The following SYT14 variants were observed in gnomAD, a reference collection of about 807,000 sequenced individuals.
SYT14 encodes the protein synaptotagmin 14.
SYT14 carries 32 observed loss-of-function variants against 74.2 expected under a neutral mutation model. The ratio of observed to expected loss-of-function variants is 0.43; its 90% CI spans 0.33 to 0.58. The LOEUF (loss-of-function observed/expected upper bound fraction) is 0.58, where lower values mean the gene tolerates loss of function less well. Ranked by LOEUF, SYT14 falls within the 20% of genes least tolerant of loss-of-function variation. The pLI is 0.05. For missense variants in SYT14, 791 were observed against 981.8 expected (o/e 0.81, Z 2.60); for synonymous variants, 298 against 337.7 (o/e 0.88, Z 1.29).
At chr1:210,155,733 C>A (rs1229974307) in exon 8 of SYT14, 1 of 1,614,018 alleles carries the variant, frequency 6.2e-7, no homozygotes. Flanking sequence ...CTGTGACTCC[C>A]AAATGAGCGT....
chr1:209,951,881 A>G (rs1352612645), intron 1 of SYT14, among the ~76,000 whole-genome samples: 1 of 152,234 alleles, frequency 6.6e-6, no homozygotes, highest in African/African-American at 2.4e-5. Context: ...GTAGGACTCA[A>G]AAATGCCCAC....
At chr1:209,951,844 G>T (rs1245175319) in intron 1 of SYT14, among the ~76,000 whole-genome samples, 1 of 152,172 alleles carries the variant, frequency 6.6e-6, no homozygotes, top group Non-Finnish European at 1.5e-5. Flanking sequence ...AAAATAGTTT[G>T]ATCTTACCAA....
At chr1:210,034,768 G>T (rs561059192) in intron 5 of SYT14, among the ~76,000 whole-genome samples, 11 of 151,692 alleles carry the variant, frequency 7.3e-5, no homozygotes, top group Admixed American at 5.3e-4. Flanking sequence ...TAAGATAATG[G>T]CCTCCAGTTC....
intron 7 of SYT14, among the ~76,000 whole-genome samples, chr1:210,111,072 A>C (rs957784647): frequency 6.6e-6 from 1 of 152,168 alleles, no homozygotes; most frequent in Non-Finnish European, 1.5e-5. Context: ...ATGTAAACCC[A>C]AAATCCGGTA....
At chr1:210,156,841 C>A (rs2083279745) in intron 8 of SYT14, 1 of 361,872 alleles carries the variant, frequency 2.8e-6, no homozygotes. Context: ...TACAGGCACC[C>A]ACCACCACAC....
chr1:209,993,523 C>T (rs1383628309), intron 2 of SYT14, among the ~76,000 whole-genome samples: 1 of 152,184 alleles, frequency 6.6e-6, no homozygotes, highest in Non-Finnish European at 1.5e-5. Flanking sequence ...TGTATGTACC[C>T]TTAGAACACT....
chr1:210,162,106 C>G lies in SYT14; in HGVS notation c.*1064C>G, dbSNP rs559652430. 6.9e-6 allele frequency: 3 copies of G among 437,742 alleles called. No homozygotes were observed. The East Asian group carries it at 2.1e-4, about 31-fold the overall frequency. The allele number at this position is 437,742 out of a possible 1,614,324, so 27.1% of individuals were successfully genotyped here. On this transcript the variant is annotated 3_prime_UTR_variant, in exon 10 of 10. Coordinates refer to ENST00000637265, the Ensembl canonical transcript of SYT14. ...TTTATATTTGTGATATGAAGACTAT[C>G]CAGTTCTCAGTTTGAATTGGAACAT... is the stretch of plus-strand genomic sequence containing the variant.
At chr1:210,016,396 A>G (rs2080183553) in exon 4 of SYT14, 1 of 1,232,100 alleles carries the variant, frequency 8.1e-7, no homozygotes, top group Non-Finnish European at 1.0e-6. Context: ...CTCTATCAGA[A>G]TATCAAGACA....
In SYT14 at chr1:209,971,023, A is replaced by G. The variant is rs115802265; in HGVS notation, c.-486+18267A>G. ...GATACTTACTCTCCAATCCATGAGC[A>G]TGGAATGTTTTTCCATTTGTATCAT... On this transcript the variant is annotated intron_variant, in intron 2 of 9. Coordinates refer to ENST00000637265, the Ensembl canonical transcript of SYT14. 7.0e-3 allele frequency among the ~76,000 whole-genome samples: 1,060 copies of G among 152,178 alleles called. 14 individuals carry two copies. Among genetic ancestry groups the G allele is most frequent in the Non-Finnish European group, 0.01 (696 of 68,002 alleles).
intron 9 of SYT14, 107 bp from the exon 9 acceptor site, chr1:210,160,622 C>T: frequency 1.1e-6 from 1 of 948,934 alleles, no homozygotes; most frequent in Non-Finnish European, 1.6e-6. Flanking sequence ...ACATGGTATA[C>T]ACCATATCCT....
At chr1:210,081,142 CT>C (rs1431204441) in intron 5 of SYT14, among the ~76,000 whole-genome samples, 1 of 152,120 alleles carries the variant, frequency 6.6e-6, no homozygotes, top group Non-Finnish European at 1.5e-5. Flanking sequence ...AGAGATAAAG[CT>C]GGAGCAGGAG....
intron 1 of SYT14, among the ~76,000 whole-genome samples, chr1:209,939,916 C>G (rs1284448817): frequency 6.6e-6 from 1 of 152,158 alleles, no homozygotes; most frequent in Non-Finnish European, 1.5e-5. Flanking sequence ...GTTACTGATT[C>G]ATTTTCCATG....
intron 4 of SYT14, among the ~76,000 whole-genome samples, chr1:210,018,168 G>A (rs529148914): frequency 2.0e-5 from 3 of 152,174 alleles, no homozygotes; most frequent in Admixed American, 6.5e-5. Flanking sequence ...AGAGTCTTGC[G>A]CTGTCGCCAG....
intron 7 of SYT14, among the ~76,000 whole-genome samples, chr1:210,130,908 C>T (rs548859305): frequency 6.6e-6 from 1 of 152,138 alleles, no homozygotes; most frequent in South Asian, 2.1e-4. Context: ...CATATTTTGC[C>T]ATTATATTTG....
intron 5 of SYT14, among the ~76,000 whole-genome samples, chr1:210,052,204 A>G (rs973331826): frequency 1.3e-5 from 2 of 151,898 alleles, no homozygotes; most frequent in African/African-American, 4.8e-5. Flanking sequence ...CCCATGACAA[A>G]GTGTTTGGAG....
chr1:210,000,488 A>G (rs1162954387), intron 2 of SYT14, among the ~76,000 whole-genome samples: 3 of 151,666 alleles, frequency 2.0e-5, no homozygotes, highest in South Asian at 2.1e-4. Context: ...ACACACACAC[A>G]CACACACACA....
At position 210,009,836 on chromosome 1, in the gene SYT14, G is replaced by A. The variant is rs546440038; in HGVS notation, c.-485-3797G>A. ...TTTCCTCCCATGCTCTAATCCAAATGCCTTTCTTCTCATATCCTTCATTTT... is the reference window on the plus strand; with the variant it reads ...TTTCCTCCCATGCTCTAATCCAAATACCTTTCTTCTCATATCCTTCATTTT... On this transcript the variant is annotated intron_variant, in intron 2 of 9. Coordinates refer to ENST00000637265, the Ensembl canonical transcript of SYT14. Among the ~76,000 whole-genome samples the A allele has an allele frequency of 2.0e-5, 3 of 152,102 alleles. No individual in the cohort carries two copies. In the East Asian group the frequency reaches 5.8e-4, roughly 29 times the overall value.
chr1:210,000,728 C>T (rs1480518458), intron 2 of SYT14, among the ~76,000 whole-genome samples: 3 of 150,882 alleles, frequency 2.0e-5, no homozygotes, highest in African/African-American at 7.3e-5. Context: ...ATTCTCCTGC[C>T]TCAGCCTCCC....
intron 7 of SYT14, among the ~76,000 whole-genome samples, chr1:210,105,480 G>A (rs772453543): frequency 5.9e-4 from 90 of 152,162 alleles, no homozygotes; most frequent in Non-Finnish European, 1.2e-3. Context: ...ATCCAAAATC[G>A]ATATGTTGTA....
Sources: gnomAD v4.1 joint callset for allele counts (sites outside exome capture counted in the v4.1 genomes callset) on GRCh38, gnomAD v4.1.1 for gene constraint, MANE v1.5 for transcripts, NCBI Gene and HGNC (gene_info 2026-07-23, HGNC 2026-07-21) for gene names.